Variants in GLMN observed in about 807,000 individuals in gnomAD.
GLMN encodes the protein glomulin, FKBP associated protein.
GLMN carries 75 observed loss-of-function variants against 87.8 expected under a neutral mutation model. The observed-to-expected ratio is 0.85, with a 90% CI of 0.71 to 1.04. The LOEUF (loss-of-function observed/expected upper bound fraction) is 1.04. Ranked by LOEUF, GLMN falls within the 50% of genes least tolerant of loss-of-function variation. The probability of loss-of-function intolerance (pLI) is 0.00; values close to 1 mark genes in which losing one functional copy is unlikely to be tolerated. For missense variants in GLMN, 588 were observed against 658.8 expected (o/e 0.89, Z 1.18); for synonymous variants, 206 against 221.6 (o/e 0.93, Z 0.63).
chr1:92,347,927 T>C, the GLMN span, among the ~76,000 whole-genome samples: 1 of 152,170 alleles, frequency 6.6e-6, no homozygotes, highest in Non-Finnish European at 1.5e-5. Context: ...TTTTTTTCTT[T>C]GAGATGGAGT....
chr1:92,288,739 TA>T (rs1649065936), intron 6 of GLMN, among the ~76,000 whole-genome samples, 174 bp downstream of exon 6: 1 of 152,188 alleles, frequency 6.6e-6, no homozygotes, highest in South Asian at 2.1e-4. Flanking sequence ...TATAATTTTT[TA>T]AAATATAAAT....
At chr1:92,328,397 T>C in the GLMN span, among the ~76,000 whole-genome samples, 2 of 152,244 alleles carry the variant, frequency 1.3e-5, no homozygotes, top group Non-Finnish European at 1.5e-5. Context: ...AAAAGCCTTG[T>C]CTTGAAGCTC....
In GLMN at chr1:92,261,413, C is replaced by T. The variant is rs577650646; in HGVS notation, c.1473+1450G>A. ...GGAGGATCTCTTGAGCCCAGGAGGT[C>T]GAGGCTGCAGTGAGCCATGATTGTA... On this transcript the variant is annotated intron_variant, in intron 16 of 18. Transcript: ENST00000370360. 7.6e-4 allele frequency among the ~76,000 whole-genome samples: 116 copies of T among 152,210 alleles called. 1 individual carries two copies. Among genetic ancestry groups the T allele is most frequent in the African/African-American group, 2.6e-3 (110 of 41,534 alleles).
the GLMN span, among the ~76,000 whole-genome samples, chr1:92,326,980 T>C: frequency 6.6e-6 from 1 of 152,236 alleles, no homozygotes; most frequent in Non-Finnish European, 1.5e-5. Flanking sequence ...GACTTCCTGT[T>C]CATTTGGAAT....
intron 18 of GLMN, among the ~76,000 whole-genome samples, 156 bp downstream of exon 18, chr1:92,246,906 C>T (rs1448818965): frequency 6.6e-6 from 1 of 152,138 alleles, no homozygotes; most frequent in Non-Finnish European, 1.5e-5. Context: ...ACCTGCAGTC[C>T]TGGCTAATCA....
the GLMN span, among the ~76,000 whole-genome samples, chr1:92,366,983 G>A: frequency 8.5e-5 from 13 of 152,170 alleles, no homozygotes; most frequent in Admixed American, 4.6e-4. Context: ...AGTTTTAGAA[G>A]AAGATAAAAT....
At chr1:92,258,899 A>G (rs1021561559) in intron 16 of GLMN, among the ~76,000 whole-genome samples, 1 of 150,100 alleles carries the variant, frequency 6.7e-6, no homozygotes, top group East Asian at 1.9e-4. Flanking sequence ...AAAAGTATTG[A>G]AAAAAAACCA....
At chr1:92,330,439 ATTTTTTTTTTTTT>A in the GLMN span, among the ~76,000 whole-genome samples, 1 of 61,450 alleles carries the variant, frequency 1.6e-5, no homozygotes, top group African/African-American at 7.0e-5. Context: ...TGGGTTGTCA[ATTTTTTTTTTTTT>A]TTTTTTTTTT....
the GLMN span, among the ~76,000 whole-genome samples, chr1:92,322,051 T>C: frequency 2.6e-5 from 4 of 151,068 alleles, no homozygotes; most frequent in African/African-American, 9.7e-5. Flanking sequence ...GTTCAAGCAG[T>C]TCTCCTGCCT....
intron 7 of GLMN, among the ~76,000 whole-genome samples, chr1:92,285,761 G>A (rs2101015017): frequency 6.6e-6 from 1 of 152,180 alleles, no homozygotes; most frequent in Non-Finnish European, 1.5e-5. Context: ...CATGGCTGAA[G>A]AAAACTACAC....
intron 5 of GLMN, 29 bp from the exon 6 acceptor site, chr1:92,289,180 C>T: frequency 7.9e-7 from 1 of 1,268,186 alleles, no homozygotes; most frequent in Non-Finnish European, 1.2e-6. Context: ...TGTCGCTCAT[C>T]AAGTATGCTA....
At chr1:92,248,995 T>A (rs970674262) in intron 16 of GLMN, among the ~76,000 whole-genome samples, 2 of 152,106 alleles carry the variant, frequency 1.3e-5, no homozygotes, top group East Asian at 1.9e-4. Context: ...AGATGTTTTT[T>A]AAAAATGTTT....
the GLMN span, chr1:92,324,186 C>G: frequency 6.2e-7 from 1 of 1,614,102 alleles, no homozygotes; most frequent in South Asian, 1.1e-5. Flanking sequence ...ATTTCCCTGC[C>G]TGGAGGGAAT....
intron 16 of GLMN, among the ~76,000 whole-genome samples, chr1:92,255,523 C>T (rs1431723851): frequency 1.3e-5 from 2 of 152,158 alleles, no homozygotes; most frequent in Admixed American, 6.5e-5. Flanking sequence ...ACACTCCCTC[C>T]TCAGCAAATG....
intron 8 of GLMN, among the ~76,000 whole-genome samples, chr1:92,270,958 G>A (rs888895653): frequency 5.3e-5 from 8 of 152,164 alleles, no homozygotes; most frequent in Non-Finnish European, 7.3e-5. Context: ...ACCAGACCAG[G>A]CACAAGTTTG....
the GLMN span, chr1:92,345,959 C>T: frequency 7.6e-7 from 1 of 1,319,468 alleles, no homozygotes; most frequent in Non-Finnish European, 1.1e-6. Flanking sequence ...AAATGTGAAG[C>T]ATATTGATTA....
chr1:92,262,397 A>T (rs939808219), intron 16 of GLMN, among the ~76,000 whole-genome samples: 1 of 152,208 alleles, frequency 6.6e-6, no homozygotes, highest in Non-Finnish European at 1.5e-5. Flanking sequence ...TGCTATTTTT[A>T]AAAAATCCAA....
At chr1:92,335,158 C>T in the GLMN span, among the ~76,000 whole-genome samples, 1 of 152,102 alleles carries the variant, frequency 6.6e-6, no homozygotes, top group African/African-American at 2.4e-5. Context: ...CCCACCAACA[C>T]TGTATGAGGG....
chr1:92,259,157 GAT>G (rs1325218872), intron 16 of GLMN, among the ~76,000 whole-genome samples: 1 of 152,116 alleles, frequency 6.6e-6, no homozygotes, highest in African/African-American at 2.4e-5. Context: ...GATGGGAAAG[GAT>G]ATGAGTACAC....
Sources: allele counts gnomAD v4.1 joint callset (sites outside exome capture counted in the v4.1 genomes callset), GRCh38; gene constraint gnomAD v4.1.1; transcripts MANE v1.5; gene names NCBI Gene and HGNC (gene_info 2026-07-23, HGNC 2026-07-21).